Variants in APP observed in about 807,000 individuals in gnomAD.
APP encodes amyloid-beta precursor protein.
Under a neutral mutation model 101.4 loss-of-function variants are expected in APP, and 31 were observed. That is an observed-to-expected ratio of 0.31 (90% CI 0.23 to 0.41). The LOEUF (loss-of-function observed/expected upper bound fraction) is 0.41, where lower values mean the gene tolerates loss of function less well. APP is among the 10% of genes least tolerant of loss of function. APP has a pLI of 1.00. For missense variants in APP, 839 were observed against 1,003.7 expected, an observed-to-expected ratio of 0.84 and a Z score of 2.22; for synonymous variants, 366 against 364.4, an observed-to-expected ratio of 1.00 and a Z score of -0.05.
At chr21:26,080,395 T>A (rs1413786896) in intron 3 of APP, among the ~76,000 whole-genome samples, 2 of 152,172 alleles carry the variant, frequency 1.3e-5, no homozygotes, top group Non-Finnish European at 2.9e-5. Flanking sequence ...TCTGCTCATT[T>A]TTTAAGTTTT....
At chr21:25,978,712 G>C (rs1261470112) in intron 9 of APP, among the ~76,000 whole-genome samples, 1 of 152,200 alleles carries the variant, frequency 6.6e-6, no homozygotes, top group African/African-American at 2.4e-5. Flanking sequence ...CCAGCACTTT[G>C]GGAGGCCCAG....
chr21:26,102,043 C>A (rs1229718770), intron 2 of APP, among the ~76,000 whole-genome samples: 1 of 143,426 alleles, frequency 7.0e-6, no homozygotes, highest in Admixed American at 6.9e-5. Flanking sequence ...CTTTATTCTT[C>A]TGGAATCCCA....
At chr21:26,067,852 C>T (rs557763995) in intron 3 of APP, among the ~76,000 whole-genome samples, 1 of 151,990 alleles carries the variant, frequency 6.6e-6, no homozygotes, top group East Asian at 1.9e-4. Flanking sequence ...TACTTTGTTT[C>T]TTCAAAATAT....
chr21:26,139,604 A>G (rs2062996325), intron 1 of APP, among the ~76,000 whole-genome samples: 1 of 152,242 alleles, frequency 6.6e-6, no homozygotes, highest in Non-Finnish European at 1.5e-5. Context: ...TCTTATTAAT[A>G]AGAATTTTCA....
At chr21:25,955,957 C>G (rs1390124563) in intron 11 of APP, among the ~76,000 whole-genome samples, 1 of 152,164 alleles carries the variant, frequency 6.6e-6, no homozygotes, top group South Asian at 2.1e-4. Context: ...TTCACTTCCA[C>G]AAGAGCATTT....
chr21:25,961,502 T>C (rs959128240), intron 11 of APP, among the ~76,000 whole-genome samples: 3 of 152,200 alleles, frequency 2.0e-5, no homozygotes, highest in Non-Finnish European at 4.4e-5. Context: ...ACCTCCCTCC[T>C]TTTGATATAT....
chr21:26,159,208 T>C (rs2063436837), intron 1 of APP, among the ~76,000 whole-genome samples: 1 of 151,836 alleles, frequency 6.6e-6, no homozygotes, highest in Non-Finnish European at 1.5e-5. Context: ...GCCTCCCGAG[T>C]AGCTGGGACT....
intron 1 of APP, among the ~76,000 whole-genome samples, chr21:26,157,043 T>C (rs1413131688): frequency 1.3e-5 from 2 of 152,150 alleles, no homozygotes; most frequent in African/African-American, 2.4e-5. Context: ...TTTAAAGACA[T>C]GCCAAGATTT....
intron 6 of APP, among the ~76,000 whole-genome samples, chr21:26,005,435 T>C (rs1192456280): frequency 4.6e-5 from 7 of 152,152 alleles, no homozygotes; most frequent in Admixed American, 1.3e-4. Flanking sequence ...AAAATAATGA[T>C]AATATAGGAA....
intron 8 of APP, among the ~76,000 whole-genome samples, chr21:25,989,985 T>C (rs1453603153): frequency 6.6e-6 from 1 of 152,064 alleles, no homozygotes; most frequent in East Asian, 1.9e-4. Context: ...TCCTAACGCA[T>C]TCTACATTCA....
At chr21:26,007,039 G>C (rs1159406177) in intron 6 of APP, among the ~76,000 whole-genome samples, 1 of 152,004 alleles carries the variant, frequency 6.6e-6, no homozygotes, top group Non-Finnish European at 1.5e-5. Context: ...CATTTAGAGA[G>C]AGCTAGGAAC....
At position 25,887,416 on chromosome 21, in the gene APP, GCA is replaced by G. The variant is rs2037396574; in HGVS notation, c.2211+4304_2211+4305del. Among the ~76,000 whole-genome samples the G allele has an allele frequency of 2.7e-5, 4 of 150,628 alleles. No homozygotes were observed. The South Asian group carries it at 8.4e-4, about 32-fold the overall frequency. The stretch of plus-strand genomic sequence containing the variant: ...CTTCACTGCTTGAAGCACCAATAAG[GCA>G]CAGTTACCTCCTTGGGAAAGCGTGG... On this transcript the variant is annotated intron_variant, in intron 17 of 17. Coordinates refer to ENST00000346798, the MANE Select transcript of APP (RefSeq NM_000484.4).
intron 16 of APP, among the ~76,000 whole-genome samples, chr21:25,894,575 CA>C (rs1219328863): frequency 9.9e-5 from 15 of 152,184 alleles, no homozygotes; most frequent in African/African-American, 3.4e-4. Flanking sequence ...GTGGAAATAA[CA>C]AGAGAACTAG....
chr21:26,159,738 G>C (rs545759129), intron 1 of APP, among the ~76,000 whole-genome samples: 26 of 152,012 alleles, frequency 1.7e-4, no homozygotes, highest in African/African-American at 6.3e-4. Flanking sequence ...CATCTCATCG[G>C]CTATTTATTA....
intron 8 of APP, among the ~76,000 whole-genome samples, chr21:25,987,202 TA>T (rs1280126038): frequency 1.3e-5 from 2 of 152,196 alleles, no homozygotes; most frequent in Non-Finnish European, 2.9e-5. Context: ...AGTTGGGTCA[TA>T]AAGCAGGGAT....
chr21:26,097,418 A>G (rs991243276), intron 2 of APP, among the ~76,000 whole-genome samples: 1 of 152,240 alleles, frequency 6.6e-6, no homozygotes, highest in African/African-American at 2.4e-5. Flanking sequence ...AATCCATTCA[A>G]TCAGGGACTT....
At chr21:26,161,472 T>C (rs1482684350) in intron 1 of APP, among the ~76,000 whole-genome samples, 2 of 152,324 alleles carry the variant, frequency 1.3e-5, no homozygotes, top group Non-Finnish European at 1.5e-5. Flanking sequence ...GTCTACCCTC[T>C]TGGGGGCAAG....
At chr21:26,092,529 G>C (rs188507966) in intron 2 of APP, among the ~76,000 whole-genome samples, 144 of 152,282 alleles carry the variant, frequency 9.5e-4, no homozygotes, top group African/African-American at 3.2e-3. Context: ...TTGGGGGCAG[G>C]GGGAGGATGA....
intron 1 of APP, among the ~76,000 whole-genome samples, chr21:26,127,902 G>A (rs1488547413): frequency 1.3e-5 from 2 of 152,178 alleles, no homozygotes; most frequent in African/African-American, 4.8e-5. Flanking sequence ...AAATGAGCAC[G>A]TTCGTAAGAC....
Sources: gnomAD v4.1 joint callset for allele counts (sites outside exome capture counted in the v4.1 genomes callset) on GRCh38, gnomAD v4.1.1 for gene constraint, MANE v1.5 for transcripts, NCBI Gene and HGNC (gene_info 2026-07-23, HGNC 2026-07-21) for gene names.